The following CDH4 variants were observed in gnomAD, a reference collection of about 807,000 sequenced individuals.
CDH4 encodes the protein cadherin-4.
In CDH4, 33 loss-of-function variants were observed where a neutral mutation model predicts 86.0. The observed-to-expected ratio is 0.38, with a 90% CI of 0.29 to 0.51. The LOEUF (loss-of-function observed/expected upper bound fraction) is 0.51. Among genes scored for constraint, CDH4 ranks in the 20% least tolerant of loss-of-function variants. CDH4 has a pLI of 0.86. For synonymous variants in CDH4, 555 were observed against 549.4 expected (o/e 1.01, Z -0.14); for missense variants, 1,114 against 1,307.4 (o/e 0.85, Z 2.28).
intron 2 of CDH4, among the ~76,000 whole-genome samples, chr20:61,670,469 T>C (rs2087374232): frequency 6.6e-6 from 1 of 152,186 alleles, no homozygotes; most frequent in Admixed American, 6.5e-5. Flanking sequence ...ACGTGTCCCC[T>C]GATGGAGCCA....
intron 2 of CDH4, among the ~76,000 whole-genome samples, chr20:61,488,984 A>T (rs1568862563): frequency 6.6e-6 from 1 of 152,174 alleles, no homozygotes; most frequent in Non-Finnish European, 1.5e-5. Flanking sequence ...TTGGAAAAAT[A>T]ATATATTCCA....
chr20:61,662,132 T>G (rs1313135316), intron 2 of CDH4, among the ~76,000 whole-genome samples: 2 of 152,152 alleles, frequency 1.3e-5, no homozygotes, highest in Non-Finnish European at 2.9e-5. Flanking sequence ...GACCTCCCCT[T>G]TGAACCCCAA....
intron 2 of CDH4, among the ~76,000 whole-genome samples, chr20:61,410,843 A>G (rs1366748072): frequency 6.6e-6 from 1 of 151,220 alleles, no homozygotes; most frequent in Non-Finnish European, 1.5e-5. Context: ...CTGTCCATCC[A>G]TCCATCCGTC....
At chr20:61,296,827 G>A (rs1004694295) in intron 2 of CDH4, among the ~76,000 whole-genome samples, 4 of 152,158 alleles carry the variant, frequency 2.6e-5, no homozygotes, top group Non-Finnish European at 5.9e-5. Flanking sequence ...ACGGACGGAC[G>A]ATGGGCAGGT....
chr20:61,864,209 G>A (rs1983447035), intron 6 of CDH4, among the ~76,000 whole-genome samples: 1 of 152,150 alleles, frequency 6.6e-6, no homozygotes, highest in Admixed American at 6.5e-5. Flanking sequence ...GAGCTGGAAG[G>A]GCCAGGGCAG....
chr20:61,382,875 G>A (rs1270168623), intron 2 of CDH4, among the ~76,000 whole-genome samples: 2 of 138,526 alleles, frequency 1.4e-5, no homozygotes, highest in Non-Finnish European at 3.1e-5. Context: ...CATCTGCAAA[G>A]ACCCATTTTT....
At chr20:61,379,001 A>G (rs776618611) in intron 2 of CDH4, among the ~76,000 whole-genome samples, 19 of 152,106 alleles carry the variant, frequency 1.2e-4, no homozygotes, top group Non-Finnish European at 2.4e-4. Context: ...TCGCTGTTTG[A>G]CTTTAAGCAA....
chr20:61,830,951 A>T (rs1465791836), intron 4 of CDH4, among the ~76,000 whole-genome samples: 1 of 152,086 alleles, frequency 6.6e-6, no homozygotes, highest in Non-Finnish European at 1.5e-5. Context: ...GTCAGTCGGG[A>T]GGGCTCCTGG....
chr20:61,342,477 T>A (rs1199708131), intron 2 of CDH4, among the ~76,000 whole-genome samples: 1 of 152,154 alleles, frequency 6.6e-6, no homozygotes, highest in Non-Finnish European at 1.5e-5. Flanking sequence ...CAGTTCACAA[T>A]AGGGTTTGAG....
At chr20:61,791,447 G>A (rs1175583727) in intron 4 of CDH4, among the ~76,000 whole-genome samples, 1 of 152,202 alleles carries the variant, frequency 6.6e-6, no homozygotes, top group Non-Finnish European at 1.5e-5. Context: ...TCCATCTTAG[G>A]CCGGATGAAA....
rs369075079 is a variant in CDH4 at position 61,499,222 on chromosome 20, AC to A, written c.169+244287del. On this transcript the variant is annotated intron_variant, in intron 2 of 15. Transcript: ENST00000614565. ...GCCCTGGTTGCGGAAGCCAGTAGGC[AC>A]CTTTGCCCACTCATCCTCAGCGTCA... 1.9e-4 allele frequency among the ~76,000 whole-genome samples: 29 copies of A among 152,264 alleles called. No homozygotes were observed. The East Asian group carries it at 2.9e-3, about 15-fold the overall frequency.
intron 7 of CDH4, among the ~76,000 whole-genome samples, chr20:61,885,668 C>T (rs1208473782): frequency 2.0e-5 from 3 of 152,170 alleles, no homozygotes; most frequent in Non-Finnish European, 4.4e-5. Context: ...AGCTGCCAGG[C>T]CCCGTGGTGA....
At chr20:61,536,758 G>A (rs6142793) in intron 2 of CDH4, among the ~76,000 whole-genome samples, 21,695 of 152,220 alleles carry the variant, frequency 0.14, 2,261 homozygotes, top group East Asian at 0.34. Flanking sequence ...CCGTCTGGGA[G>A]CAGTGCCCTG....
chr20:61,910,829 A>C (rs1218403499), intron 9 of CDH4, among the ~76,000 whole-genome samples: 2 of 152,042 alleles, frequency 1.3e-5, no homozygotes, highest in Middle Eastern at 3.4e-3. Flanking sequence ...ATACCCTCCC[A>C]TTCCCTTTTC....
intron 2 of CDH4, among the ~76,000 whole-genome samples, chr20:61,468,456 A>C (rs769648120): frequency 6.6e-6 from 1 of 152,134 alleles, no homozygotes; most frequent in South Asian, 2.1e-4. Flanking sequence ...TTTGGGATAC[A>C]TGAGATATTT....
intron 6 of CDH4, among the ~76,000 whole-genome samples, chr20:61,854,289 C>G (rs776587698): frequency 6.6e-6 from 1 of 152,200 alleles, no homozygotes; most frequent in Non-Finnish European, 1.5e-5. Context: ...GAAGGCAGGC[C>G]TTTATCACAC....
chr20:61,427,748 G>C (rs910253542), intron 2 of CDH4, among the ~76,000 whole-genome samples: 1 of 152,034 alleles, frequency 6.6e-6, no homozygotes, highest in Admixed American at 6.6e-5. Flanking sequence ...ATTTGTCTCT[G>C]TGCAAGCAGT....
At chr20:61,756,468 C>A (rs1038587361) in intron 3 of CDH4, among the ~76,000 whole-genome samples, 9 of 151,966 alleles carry the variant, frequency 5.9e-5, no homozygotes, top group Admixed American at 4.6e-4. Context: ...ACAGGCCTGT[C>A]CCCCACTACT....
chr20:61,273,169 G>A (rs1275329167), intron 2 of CDH4, among the ~76,000 whole-genome samples: 1 of 119,036 alleles, frequency 8.4e-6, no homozygotes. Flanking sequence ...GAGTATTGGG[G>A]GAGTACCATG....
Sources: gnomAD v4.1 joint callset for allele counts (sites outside exome capture counted in the v4.1 genomes callset) on GRCh38, gnomAD v4.1.1 for gene constraint, MANE v1.5 for transcripts, NCBI Gene and HGNC (gene_info 2026-07-23, HGNC 2026-07-21) for gene names.